Variants in MON1A observed in about 807,000 individuals in gnomAD.
MON1A encodes the protein vacuolar fusion protein MON1 homolog A.
A neutral mutation model predicts 44.6 loss-of-function variants in MON1A; 29 were observed. The ratio of observed to expected loss-of-function variants is 0.65; its 90% CI spans 0.48 to 0.89. The LOEUF (loss-of-function observed/expected upper bound fraction) is 0.89. Among genes scored for constraint, MON1A ranks in the 40% least tolerant of loss-of-function variants. The pLI is 0.00. For missense variants in MON1A, 615 were observed against 759.6 expected (o/e 0.81, Z 2.24); for synonymous variants, 275 against 316.4 (o/e 0.87, Z 1.39).
At chr3:49,918,064 C>T (rs1037466282) in intron 1 of MON1A, among the ~76,000 whole-genome samples, 3 of 147,968 alleles carry the variant, frequency 2.0e-5, no homozygotes, top group African/African-American at 5.0e-5. Flanking sequence ...AGGCCAGGCG[C>T]GGTGGCACAC....
intron 1 of MON1A, among the ~76,000 whole-genome samples, chr3:49,926,760 A>G (rs2083055164): frequency 6.7e-6 from 1 of 149,594 alleles, no homozygotes; most frequent in African/African-American, 2.5e-5. Context: ...ACATCCAGCC[A>G]ACAGACATCT....
Position 49,911,578 on chromosome 3 carries a change from G to C in MON1A, c.561C>G (p.Ala187=). Residue 187 remains alanine (A), a synonymous_variant, in exon 3 of 6, where the codon GCC becomes GCG. Coordinates refer to ENST00000296473, the MANE Select transcript of MON1A (RefSeq NM_032355.4). The surrounding 1 kb of genome is among the most constrained non-coding windows in gnomAD (Gnocchi z 5.7). ...ALSSTMGVMV[A]LVSFLEADKN... ...TGTCTGCCTCCAGGAAGGACACCAGGGCCACCATAACACCCATAGTGCTGG... is the reference window on the plus strand; with the variant it reads ...TGTCTGCCTCCAGGAAGGACACCAGCGCCACCATAACACCCATAGTGCTGG... 6.2e-7 allele frequency: 1 copy of C among 1,613,868 alleles called. No homozygotes were observed. The highest frequency in any genetic ancestry group is 1.1e-5 in the South Asian group (1 of 91,082).
Position 49,909,684 on chromosome 3 carries a change from G to A in MON1A, c.1380-284C>T, listed in dbSNP as rs537042537. ...GTTGAGTTTAGATGTCCAAGACAGAGTGACAGATCTGGAGTAGAGGAAAGG... is the reference window on the plus strand; with the variant it reads ...GTTGAGTTTAGATGTCCAAGACAGAATGACAGATCTGGAGTAGAGGAAAGG... On this transcript the variant is annotated intron_variant, in intron 4 of 5. Transcript: ENST00000296473. This position sits in a 1 kb window ranked among gnomAD's most constrained non-coding sequence, Gnocchi z 4.0. 37 of 430,662 alleles carry A rather than the reference G, an allele frequency of 8.6e-5. No homozygotes were observed. The Admixed American group carries it at 1.1e-3, about 13-fold the overall frequency. 26.7% of individuals were successfully genotyped at this position (430,662 alleles called of 1,614,324 possible).
rs1378853488 is a variant in MON1A at position 49,909,397 on chromosome 3, A to C, written c.1383T>G (p.Pro461=). 2 of 1,613,862 alleles carry C rather than the reference A, an allele frequency of 1.2e-6. No individual in the cohort carries two copies. The highest frequency in any genetic ancestry group is 2.7e-5 in the African/African-American group (2 of 74,918). ...KSKSSGLFTS[P]EIEAPYTSEE... ...CACTGGTGTATGGGGCCTCAATCTCAGGGCTGCAGACAGGGTGGAGGGAGT... is the reference window on the plus strand; with the variant it reads ...CACTGGTGTATGGGGCCTCAATCTCCGGGCTGCAGACAGGGTGGAGGGAGT... The change falls in exon 5 of 6, where the codon CCT becomes CCG. Residue 461 remains proline, a synonymous_variant. Transcript: ENST00000296473. This position sits in a 1 kb window ranked among gnomAD's most constrained non-coding sequence, Gnocchi z 4.0.
intron 1 of MON1A, among the ~76,000 whole-genome samples, chr3:49,920,316 C>A (rs2082985083): frequency 1.3e-5 from 2 of 152,160 alleles, no homozygotes; most frequent in South Asian, 4.1e-4. Flanking sequence ...GTCCTTTTTG[C>A]AGTTCTTACT....
intron 1 of MON1A, among the ~76,000 whole-genome samples, chr3:49,923,108 G>A (rs183284219): frequency 2.0e-5 from 3 of 151,878 alleles, no homozygotes; most frequent in Admixed American, 6.6e-5. Flanking sequence ...TTGGGAGGCC[G>A]AGGCAGGCAG....
chr3:49,929,489 C>G, intron 1 of MON1A, 120 bp downstream of exon 1: 1 of 1,170,734 alleles, frequency 8.5e-7, no homozygotes, highest in Non-Finnish European at 1.2e-6. Context: ...ACACAGTCTT[C>G]CCATTGCAAA....
intron 1 of MON1A, among the ~76,000 whole-genome samples, chr3:49,926,489 C>T (rs1265140141): frequency 2.0e-5 from 3 of 152,164 alleles, no homozygotes; most frequent in African/African-American, 7.2e-5. Flanking sequence ...CAGAATCTCA[C>T]TCTGTCACCC....
rs2082854494 is a variant in MON1A at position 49,909,974 on chromosome 3, C to T, written c.1379+145G>A. 4 of 885,630 alleles carry T rather than the reference C, an allele frequency of 4.5e-6. No homozygotes were observed. In the African/African-American group the frequency reaches 6.7e-5, roughly 15 times the overall value. The allele number at this position is 885,630 out of a possible 1,614,324, so 54.9% of individuals were successfully genotyped here. A position where few individuals can be genotyped will look rare whatever the true frequency, so the allele number is the denominator to read the frequency against. On this transcript the variant is annotated intron_variant, in intron 4 of 5. Transcript: ENST00000296473. This position sits in a 1 kb window ranked among gnomAD's most constrained non-coding sequence, Gnocchi z 4.0. ...GATGGAGAGTCTGGGTCTCTGGTGC[C>T]AGAGTAAAACAGGCCCAGCACACTG...
At chr3:49,928,638 C>G (rs908855179) in intron 1 of MON1A, among the ~76,000 whole-genome samples, 21 of 152,248 alleles carry the variant, frequency 1.4e-4, no homozygotes, top group African/African-American at 5.1e-4. Context: ...CCTCTTCTTG[C>G]TTGGATAGCA....
Position 49,913,250 on chromosome 3 carries a change from T to TG in MON1A, c.96dup (p.Thr33HisfsTer30), listed in dbSNP as rs746364738. On this transcript the variant is annotated frameshift_variant, in exon 2 of 6. Coordinates refer to ENST00000296473, the MANE Select transcript of MON1A (RefSeq NM_032355.4). LOFTEE classifies it high-confidence loss of function. ...TCCATTCCCTGGGCCATTCCTGGTG[T>TG]GGGGCTCTCAGCTCTCTCCATACTC... 6.2e-7 allele frequency: 1 copy of TG among 1,614,230 alleles called. No individual in the cohort carries two copies. Among genetic ancestry groups the TG allele is most frequent in the South Asian group, 1.1e-5 (1 of 91,086 alleles).
rs142196737 is a variant in MON1A at position 49,917,357 on chromosome 3, C to T, written c.-13-3998G>A. On this transcript the variant is annotated intron_variant, in intron 1 of 5. Coordinates refer to ENST00000296473, the MANE Select transcript of MON1A (RefSeq NM_032355.4). ...CTGGAGTGCAGTGGCGCTATCTTGG[C>T]TCACTGCAAGCTCTGCCTCCCCAGT... Among the ~76,000 whole-genome samples, 537 of 152,172 alleles carry T rather than the reference C, an allele frequency of 3.5e-3. 4 individuals carry two copies. The highest frequency in any genetic ancestry group is 0.012 in the African/African-American group (494 of 41,506).
At chr3:49,926,694 T>C (rs891582299) in intron 1 of MON1A, among the ~76,000 whole-genome samples, 4 of 152,136 alleles carry the variant, frequency 2.6e-5, no homozygotes, top group African/African-American at 9.7e-5. Context: ...ACTCCTGAAC[T>C]GAAGATCCTC....
At chr3:49,927,338 G>A (rs1575481860) in intron 1 of MON1A, among the ~76,000 whole-genome samples, 1 of 152,090 alleles carries the variant, frequency 6.6e-6, no homozygotes, top group African/African-American at 2.4e-5. Flanking sequence ...TTGGGTTGTG[G>A]GAAGATTAAA....
Position 49,909,498 on chromosome 3 carries a change from T to C in MON1A, c.1380-98A>G. 1 of 1,496,414 alleles carries C rather than the reference T, an allele frequency of 6.7e-7. No homozygotes were observed. The highest frequency in any genetic ancestry group is 9.1e-7 in the Non-Finnish European group (1 of 1,102,126). The allele number at this position is 1,496,414 out of a possible 1,614,324, so 92.7% of individuals were successfully genotyped here. On this transcript the variant is annotated intron_variant, in intron 4 of 5. Coordinates refer to ENST00000296473, the MANE Select transcript of MON1A (RefSeq NM_032355.4). The surrounding 1 kb of genome is among the most constrained non-coding windows in gnomAD (Gnocchi z 4.0). ...CCTATTCCTATCCAGGAAGACTCTA[T>C]CTTATGTCCTACCCTCCAGGTGCTC...
rs946590737 is a variant in MON1A at position 49,908,915 on chromosome 3, G to GC, written c.*98dup. ...ATGCATTCACCAACCCACAGTCCCT[G>GC]CCCGCTGGCTGGGCAAGAGAGGCCA... On this transcript the variant is annotated 3_prime_UTR_variant, in exon 6 of 6. Coordinates refer to ENST00000296473, the MANE Select transcript of MON1A (RefSeq NM_032355.4). 7 of 1,418,962 alleles carry GC rather than the reference G, an allele frequency of 4.9e-6. No homozygotes were observed. In the African/African-American group the frequency reaches 8.6e-5, roughly 17 times the overall value. The allele number at this position is 1,418,962 out of a possible 1,614,324, so 87.9% of individuals were successfully genotyped here. A position where few individuals can be genotyped will look rare whatever the true frequency, so the allele number is the denominator to read the frequency against.
chr3:49,910,164 A>G lies in MON1A; in HGVS notation c.1334T>C (p.Leu445Pro). 1 of 1,608,338 alleles carries G rather than the reference A, an allele frequency of 6.2e-7. No homozygotes were observed. Among genetic ancestry groups the G allele is most frequent in the Non-Finnish European group, 8.5e-7 (1 of 1,175,434 alleles). ...CTTTGACTTATAGAGGAAGTGACGC[A>G]GGTCAGGGATGCCCACTTGGGCAAC... ...YSVAQVGIPD[L>P]RHFLYKSKSS... Residue 445 changes from leucine (L) to proline (P), a missense_variant, in exon 4 of 6, where the codon CTG (leucine) becomes CCG (proline). By Grantham distance (98) the Leu-to-Pro change is moderately conservative. Transcript: ENST00000296473. The surrounding 1 kb of genome is among the most constrained non-coding windows in gnomAD (Gnocchi z 8.0).
chr3:49,929,099 G>GT (rs2083073539), intron 1 of MON1A, among the ~76,000 whole-genome samples: 1 of 152,214 alleles, frequency 6.6e-6, no homozygotes, highest in Non-Finnish European at 1.5e-5. Flanking sequence ...GCGCATGCCT[G>GT]TAATCCCAGC....
chr3:49,911,443 C>T lies in MON1A; in HGVS notation c.613+83G>A, dbSNP rs2082884732. The T allele has an allele frequency of 1.3e-6, 2 of 1,518,050 alleles. No individual in the cohort carries two copies. Among genetic ancestry groups the T allele is most frequent in the South Asian group, 2.6e-5 (2 of 76,700 alleles). 94.0% of individuals were successfully genotyped at this position (1,518,050 alleles called of 1,614,324 possible). On this transcript the variant is annotated intron_variant, in intron 3 of 5. Transcript: ENST00000296473. This position sits in a 1 kb window ranked among gnomAD's most constrained non-coding sequence, Gnocchi z 5.7. ...CTCAGTCACACAGCACATCCCAGCC[C>T]TCTGGTCTGCAGGGGTCCAAAACCT...
Sources: allele counts gnomAD v4.1 joint callset (sites outside exome capture counted in the v4.1 genomes callset), GRCh38; gene constraint gnomAD v4.1.1; non-coding constraint Gnocchi (gnomAD v3.1); transcripts MANE v1.5; gene names NCBI Gene and HGNC (gene_info 2026-07-23, HGNC 2026-07-21).